Variants in ZNF521 observed in about 807,000 individuals in gnomAD.
ZNF521 encodes the protein LYST-interacting protein 3.
Under a neutral mutation model 105.5 loss-of-function variants are expected in ZNF521, and 14 were observed. The ratio of observed to expected loss-of-function variants is 0.13; its 90% CI spans 0.09 to 0.21. ZNF521 has a LOEUF of 0.21. Ranked by LOEUF, ZNF521 falls within the 10% of genes least tolerant of loss-of-function variation. The pLI is 1.00. For synonymous variants in ZNF521, 635 were observed against 606.0 expected, an observed-to-expected ratio of 1.05 and a Z score of -0.70; for missense variants, 1,233 against 1,629.7, an observed-to-expected ratio of 0.76 and a Z score of 4.19.
chr18:25,248,110 T>G (rs187391597), intron 3 of ZNF521, among the ~76,000 whole-genome samples: 88 of 152,298 alleles, frequency 5.8e-4, no homozygotes, highest in Non-Finnish European at 7.5e-4. Context: ...TGTTACAGAT[T>G]GCTTTTCTAC....
At chr18:25,332,616 C>G (rs989474610) in intron 2 of ZNF521, among the ~76,000 whole-genome samples, 5 of 152,100 alleles carry the variant, frequency 3.3e-5, no homozygotes, top group African/African-American at 1.2e-4. Flanking sequence ...GAATCTGAAA[C>G]AAAGATAATA....
At chr18:25,104,240 A>T (rs1192382992) in intron 5 of ZNF521, among the ~76,000 whole-genome samples, 2 of 152,216 alleles carry the variant, frequency 1.3e-5, no homozygotes, top group African/African-American at 2.4e-5. Context: ...TAAAAATTGT[A>T]TACTATGTCA....
intron 3 of ZNF521, among the ~76,000 whole-genome samples, chr18:25,234,051 G>A (rs756621328): frequency 2.6e-4 from 39 of 152,096 alleles, no homozygotes; most frequent in Non-Finnish European, 4.9e-4. Context: ...TCTCTCGCAC[G>A]GAAATCAAGA....
chr18:25,112,527 C>T (rs1457858955), intron 5 of ZNF521, among the ~76,000 whole-genome samples: 1 of 152,126 alleles, frequency 6.6e-6, no homozygotes, highest in African/African-American at 2.4e-5. Context: ...AAGAGCACAG[C>T]TGAGATTAAA....
At chr18:25,167,739 A>G (rs758820925) in intron 5 of ZNF521, among the ~76,000 whole-genome samples, 3 of 152,150 alleles carry the variant, frequency 2.0e-5, no homozygotes, top group Non-Finnish European at 4.4e-5. Flanking sequence ...GGAGTTATGG[A>G]TTGCTCTGTG....
intron 7 of ZNF521, among the ~76,000 whole-genome samples, chr18:25,072,854 G>A (rs982048949): frequency 1.3e-5 from 2 of 152,180 alleles, no homozygotes; most frequent in Non-Finnish European, 2.9e-5. Flanking sequence ...CCATGTGCCA[G>A]TTGTTGCTAA....
chr18:25,139,619 C>A (rs752154620), intron 5 of ZNF521, among the ~76,000 whole-genome samples: 1 of 151,996 alleles, frequency 6.6e-6, no homozygotes, highest in Admixed American at 6.6e-5. Flanking sequence ...TGTTACCTGA[C>A]CTGCCCATTA....
intron 5 of ZNF521, among the ~76,000 whole-genome samples, chr18:25,165,920 A>G (rs1478044889): frequency 6.6e-6 from 1 of 152,188 alleles, no homozygotes; most frequent in Non-Finnish European, 1.5e-5. Context: ...ACACCATTTC[A>G]TCGTTTTCTG....
At chr18:25,291,560 G>C (rs1371819886) in intron 3 of ZNF521, among the ~76,000 whole-genome samples, 1 of 152,074 alleles carries the variant, frequency 6.6e-6, no homozygotes, top group Non-Finnish European at 1.5e-5. Context: ...TTCCTCCTAA[G>C]CAGTTAGTTG....
At chr18:25,327,671 G>C in intron 2 of ZNF521, 1 of 519,050 alleles carries the variant, frequency 1.9e-6, no homozygotes, top group South Asian at 1.4e-5. Context: ...CTGGGCTCTA[G>C]ATATGCATTC....
chr18:25,222,482 T>C (rs563159732), intron 4 of ZNF521, among the ~76,000 whole-genome samples: 1 of 152,306 alleles, frequency 6.6e-6, no homozygotes, highest in African/African-American at 2.4e-5. Context: ...GCATATGCCC[T>C]TTCATAAACA....
chr18:25,063,129 A>G (rs2032954612), intron 7 of ZNF521, among the ~76,000 whole-genome samples: 1 of 152,160 alleles, frequency 6.6e-6, no homozygotes, highest in Non-Finnish European at 1.5e-5. Context: ...CTTCTTATTA[A>G]GATACGACCC....
chr18:25,136,139 A>G (rs1490355928), intron 5 of ZNF521, among the ~76,000 whole-genome samples: 2 of 152,206 alleles, frequency 1.3e-5, no homozygotes, highest in South Asian at 2.1e-4. Context: ...TGGCTTCCCA[A>G]TGTTTTCTTC....
intron 3 of ZNF521, among the ~76,000 whole-genome samples, chr18:25,255,453 A>G (rs972896317): frequency 6.6e-6 from 1 of 152,254 alleles, no homozygotes. Context: ...GAATGCATAA[A>G]GTGCTCTTGG....
chr18:25,326,778 A>G (rs1300617863), intron 2 of ZNF521, among the ~76,000 whole-genome samples: 2 of 152,266 alleles, frequency 1.3e-5, no homozygotes, highest in East Asian at 3.8e-4. Flanking sequence ...TGATGTAAAT[A>G]TGAATGCAAG....
intron 3 of ZNF521, among the ~76,000 whole-genome samples, chr18:25,320,567 T>C (rs1912886367): frequency 8.0e-6 from 1 of 125,264 alleles, no homozygotes; most frequent in Non-Finnish European, 1.9e-5. Context: ...TATAGAGGTG[T>C]GATGATGTCT....
intron 4 of ZNF521, among the ~76,000 whole-genome samples, chr18:25,217,694 C>T (rs549846537): frequency 6.6e-6 from 1 of 152,270 alleles, no homozygotes; most frequent in East Asian, 1.9e-4. Flanking sequence ...ATGGGCCTGG[C>T]ACTGTCAGAG....
chr18:25,319,474 C>A (rs1295152910), intron 3 of ZNF521, among the ~76,000 whole-genome samples: 1 of 151,850 alleles, frequency 6.6e-6, no homozygotes, highest in Admixed American at 6.6e-5. Flanking sequence ...TATGCACCTG[C>A]AGTCCCAGCT....
At chr18:25,122,523 C>A (rs115024072) in intron 5 of ZNF521, among the ~76,000 whole-genome samples, 2,741 of 152,094 alleles carry the variant, frequency 0.018, 84 homozygotes, top group African/African-American at 0.062. Flanking sequence ...TAAAAACAAG[C>A]CCCAATGTAA....
Sources: gnomAD v4.1 joint callset for allele counts (sites outside exome capture counted in the v4.1 genomes callset) on GRCh38, gnomAD v4.1.1 for gene constraint, MANE v1.5 for transcripts, NCBI Gene and HGNC (gene_info 2026-07-23, HGNC 2026-07-21) for gene names.